Variants in COMMD1 observed in about 807,000 individuals in gnomAD.
COMMD1 encodes the protein copper metabolism domain containing 1.
A neutral mutation model predicts 17.2 loss-of-function variants in COMMD1; 10 were observed. The ratio of observed to expected loss-of-function variants is 0.58; its 90% CI spans 0.36 to 0.99. The LOEUF is 0.99. COMMD1 is among the 50% of genes least tolerant of loss of function. The pLI, the probability that COMMD1 is intolerant of heterozygous loss-of-function variation, is 0.01. For synonymous variants in COMMD1, 97 were observed against 91.6 expected (o/e 1.06, Z -0.34); for missense variants, 270 against 231.8 (o/e 1.17, Z -1.07).
At chr2:62,073,441 C>T (rs1671255174) in intron 2 of COMMD1, among the ~76,000 whole-genome samples, 2 of 152,226 alleles carry the variant, frequency 1.3e-5, no homozygotes, top group African/African-American at 2.4e-5. Flanking sequence ...CTACCAACCT[C>T]GTCTTTAGAC....
At chr2:61,902,230 G>A (rs1006856097), upstream of COMMD1, among the ~76,000 whole-genome samples, 7 of 151,782 alleles carry the variant, frequency 4.6e-5, no homozygotes, top group African/African-American at 7.3e-5. Context: ...TGAAGTGTCC[G>A]GGCACGGTGG....
chr2:61,959,865 C>T (rs555260524), intron 1 of COMMD1, among the ~76,000 whole-genome samples: 13 of 152,340 alleles, frequency 8.5e-5, no homozygotes, highest in East Asian at 3.9e-4. Context: ...TAACCTGACA[C>T]GTCTACCCTA....
chr2:62,099,963 T>C (rs1672129509), intron 2 of COMMD1, among the ~76,000 whole-genome samples: 1 of 151,994 alleles, frequency 6.6e-6, no homozygotes, highest in Non-Finnish European at 1.5e-5. Context: ...TTATGAAAAA[T>C]AATAGTTCAG....
At chr2:61,955,346 C>T (rs1328827628) in intron 1 of COMMD1, among the ~76,000 whole-genome samples, 2 of 151,880 alleles carry the variant, frequency 1.3e-5, no homozygotes, top group Non-Finnish European at 1.5e-5. Context: ...CTGTCTCTCT[C>T]GATGGATCCT....
chr2:61,975,141 G>A (rs375738056), intron 1 of COMMD1, among the ~76,000 whole-genome samples: 2 of 34,608 alleles, frequency 5.8e-5, no homozygotes, highest in African/African-American at 2.0e-4. Flanking sequence ...TTTTTTTTTT[G>A]TATTTTAATT....
intron 2 of COMMD1, among the ~76,000 whole-genome samples, chr2:62,099,498 C>T (rs1220572478): frequency 6.6e-6 from 1 of 152,060 alleles, no homozygotes; most frequent in Non-Finnish European, 1.5e-5. Context: ...TAAACATAAA[C>T]CCAGCTGTGG....
intron 1 of COMMD1, among the ~76,000 whole-genome samples, chr2:61,971,308 G>A (rs758137863): frequency 1.3e-5 from 2 of 152,160 alleles, no homozygotes; most frequent in African/African-American, 2.4e-5. Context: ...CATTTGCTAC[G>A]GTTGGGTTGT....
chr2:61,945,113 T>C (rs920523787), intron 1 of COMMD1, among the ~76,000 whole-genome samples: 1 of 152,152 alleles, frequency 6.6e-6, no homozygotes, highest in Non-Finnish European at 1.5e-5. Context: ...TACTGAGTGC[T>C]CCAATGGTAA....
intron 1 of COMMD1, among the ~76,000 whole-genome samples, chr2:61,926,096 G>T (rs1292292778): frequency 6.6e-6 from 1 of 151,750 alleles, no homozygotes; most frequent in Non-Finnish European, 1.5e-5. Context: ...TCAGCCTCCC[G>T]AGTAGCTGGG....
intron 2 of COMMD1, among the ~76,000 whole-genome samples, chr2:62,009,262 T>C (rs1014249996): frequency 1.3e-5 from 2 of 152,104 alleles, no homozygotes; most frequent in African/African-American, 4.8e-5. Context: ...ACAGTTGAAT[T>C]TAAAGGTATA....
chr2:61,950,117 C>T (rs549058275), intron 1 of COMMD1, among the ~76,000 whole-genome samples: 2 of 152,196 alleles, frequency 1.3e-5, no homozygotes, highest in African/African-American at 2.4e-5. Context: ...TTGGAAAATC[C>T]CTTTTAGAAA....
intron 2 of COMMD1, among the ~76,000 whole-genome samples, chr2:62,010,539 A>T (rs1003885942): frequency 3.3e-5 from 5 of 152,156 alleles, no homozygotes; most frequent in Non-Finnish European, 7.3e-5. Flanking sequence ...GACATACTGG[A>T]GATCCTGACT....
At chr2:61,964,000 C>T (rs946628497) in intron 1 of COMMD1, among the ~76,000 whole-genome samples, 1 of 152,192 alleles carries the variant, frequency 6.6e-6, no homozygotes, top group Admixed American at 6.5e-5. Context: ...AGCCGATTTT[C>T]AACCTCTTCT....
intron 1 of COMMD1, among the ~76,000 whole-genome samples, chr2:61,930,480 T>TGTGAGGCGGAGGTTGCA (rs1205472664): frequency 4.6e-5 from 7 of 152,106 alleles, no homozygotes; most frequent in African/African-American, 1.7e-4. Context: ...TTCTTGAACC[T>TGTGAGGCGGAGGTTGCA]GTGAGGCGGA....
chr2:61,981,579 C>A (rs1671953216), intron 1 of COMMD1, among the ~76,000 whole-genome samples: 3 of 151,978 alleles, frequency 2.0e-5, no homozygotes, highest in Admixed American at 2.0e-4. Context: ...AAAGACATAC[C>A]CGAGACTGGA....
In COMMD1 at chr2:61,926,319, A is replaced by T. The variant is rs560731584; in HGVS notation, c.180+20461A>T. Reference sequence around the variant, plus strand: ...ATATTAATTTGCGTAAATAGTGTACAAGTAAGATTGTCCCCTTTGTGAGGT... The same window carrying T: ...ATATTAATTTGCGTAAATAGTGTACTAGTAAGATTGTCCCCTTTGTGAGGT... On this transcript the variant is annotated intron_variant, in intron 1 of 2. Coordinates refer to ENST00000311832, the MANE Select transcript of COMMD1 (RefSeq NM_152516.4). Among the ~76,000 whole-genome samples the T allele has an allele frequency of 1.3e-4, 20 of 152,268 alleles. No homozygotes were observed. The East Asian group carries it at 3.9e-3, about 29-fold the overall frequency.
chr2:62,053,507 G>A (rs1248384068), intron 2 of COMMD1, among the ~76,000 whole-genome samples: 1 of 152,144 alleles, frequency 6.6e-6, no homozygotes, highest in East Asian at 1.9e-4. Context: ...TCTAAGGTTA[G>A]AACTGTAAGA....
At chr2:62,089,282 T>C (rs146154932) in intron 2 of COMMD1, among the ~76,000 whole-genome samples, 9,945 of 147,114 alleles carry the variant, frequency 0.068, 1,140 homozygotes, top group African/African-American at 0.23. Context: ...CTTTCTTTCT[T>C]TTTTTTTTTT....
intron 2 of COMMD1, among the ~76,000 whole-genome samples, chr2:62,124,072 G>T (rs1672825450): frequency 6.6e-6 from 1 of 152,260 alleles, no homozygotes; most frequent in Admixed American, 6.5e-5. Context: ...GGCCAAGGTG[G>T]GCAGATCACA....
Sources: allele counts gnomAD v4.1 joint callset (sites outside exome capture counted in the v4.1 genomes callset), GRCh38; gene constraint gnomAD v4.1.1; transcripts MANE v1.5; gene names NCBI Gene and HGNC (gene_info 2026-07-23, HGNC 2026-07-21).